Variants in DNHD1 observed in about 807,000 individuals in gnomAD.
DNHD1 encodes the protein dynein heavy chain domain 1, also known as dynein heavy chain domain-containing protein 1.
A neutral mutation model predicts 458.1 loss-of-function variants in DNHD1; 383 were observed. That is an observed-to-expected ratio of 0.84 (90% CI 0.77 to 0.91). DNHD1 has a LOEUF of 0.91. Ranked by LOEUF, DNHD1 falls within the 40% of genes least tolerant of loss-of-function variation. The probability of loss-of-function intolerance (pLI) is 0.00; values close to 1 mark genes in which losing one functional copy is unlikely to be tolerated. For missense variants in DNHD1, 5,336 were observed against 5,866.1 expected, an observed-to-expected ratio of 0.91 and a Z score of 2.95; for synonymous variants, 2,203 against 2,376.9, an observed-to-expected ratio of 0.93 and a Z score of 2.13.
chr11:6,511,689 A>G (rs1169998792), intron 7 of DNHD1, among the ~76,000 whole-genome samples: 3 of 152,130 alleles, frequency 2.0e-5, no homozygotes, highest in East Asian at 1.9e-4. Flanking sequence ...GAATGTATCA[A>G]TGTCTATTTT....
At chr11:6,503,007 G>A (rs1007857204) in intron 4 of DNHD1, 81 bp downstream of exon 4, 20 of 1,499,376 alleles carry the variant, frequency 1.3e-5, no homozygotes, top group East Asian at 2.4e-5. Flanking sequence ...CTTTCTCCAC[G>A]TGCGCACCCT....
At position 6,568,521 on chromosome 11, in the gene DNHD1, C is replaced by G. The variant is rs1352762114; in HGVS notation, c.12606C>G (p.His4202Gln). Residue 4202 changes from histidine (H) to glutamine (Q), a missense_variant, in exon 38 of 43, where the codon CAC becomes CAG. By Grantham distance (24) the His-to-Gln change is conservative (BLOSUM62 0). This residue lies in a region of DNHD1 where 695 missense variants were observed against 804.2 expected (regional missense o/e 0.86). Coordinates refer to ENST00000254579, the MANE Select transcript of DNHD1 (RefSeq NM_144666.3). ...QPESRNVSTV[H>Q]RDFRLWLIVP... ...AAAGCAGGAATGTAAGCACTGTTCA[C>G]AGAGATTTTCGTCTTTGGCTTATTG... is the stretch of plus-strand genomic sequence containing the variant. 1 of 1,614,002 alleles carries G rather than the reference C, an allele frequency of 6.2e-7. No individual in the cohort carries two copies. The highest frequency in any genetic ancestry group is 2.2e-5 in the East Asian group (1 of 44,878).
intron 28 of DNHD1, 142 bp downstream of exon 28, chr11:6,559,425 G>T: frequency 1.4e-6 from 1 of 714,274 alleles, no homozygotes; most frequent in South Asian, 1.9e-5. Context: ...GATCTCCGCT[G>T]CCTCCTCCTT....
Position 6,498,603 on chromosome 11 carries a change from A to G in DNHD1, c.388A>G (p.Ile130Val), listed in dbSNP as rs767156176. Residue 130 changes from isoleucine (I) to valine (V), a missense_variant, in exon 3 of 43, where the codon ATT becomes GTT. Ile to Val is a conservative substitution (Grantham distance 29, BLOSUM62 3). This residue lies in a region of DNHD1 where 3,932 missense variants were observed against 4,365.6 expected (regional missense o/e 0.90). Coordinates refer to ENST00000254579, the MANE Select transcript of DNHD1 (RefSeq NM_144666.3). ...CCTCCATCTGGACCTGCTAGGTGCC[A>G]TTGTCCAGGCCTTTCCTCCAGACAG... ...THLHLDLLGAIVQAFPPDSSL... is the reference protein window; with the variant it reads ...THLHLDLLGAVVQAFPPDSSL... 3.7e-6 allele frequency: 6 copies of G among 1,614,066 alleles called. No homozygotes were observed. The highest frequency in any genetic ancestry group is 2.7e-5 in the African/African-American group (2 of 74,910).
chr11:6,541,792 A>T (rs1473606264), intron 18 of DNHD1, among the ~76,000 whole-genome samples: 1 of 152,236 alleles, frequency 6.6e-6, no homozygotes, highest in Non-Finnish European at 1.5e-5. Context: ...CAAGGAATGG[A>T]AATTGAAAGA....
At chr11:6,521,025 G>A (rs1852594888) in intron 10 of DNHD1, among the ~76,000 whole-genome samples, 1 of 152,114 alleles carries the variant, frequency 6.6e-6, no homozygotes. Context: ...ACACCAGTTG[G>A]GGCACATTGT....
In DNHD1 at chr11:6,567,732, C is replaced by T. The variant is rs1002538319; in HGVS notation, c.12223C>T (p.Pro4075Ser). 6.2e-7 allele frequency: 1 copy of T among 1,613,948 alleles called. No individual in the cohort carries two copies. Among genetic ancestry groups the T allele is most frequent in the African/African-American group, 1.3e-5 (1 of 75,070 alleles). ...GCCCCTGGATGAAAACACGTATGCT[C>T]CCACCATGCCCTTTAAACATAGTCA... ...GRPLDENTYAPTMPFKHSQAT... is the reference protein window; with the variant it reads ...GRPLDENTYASTMPFKHSQAT... Residue 4075 changes from proline (P) to serine (S), a missense_variant, in exon 36 of 43, where the codon CCC becomes TCC. Pro to Ser is a moderately conservative substitution (Grantham distance 74). This residue lies in a region of DNHD1 where 695 missense variants were observed against 804.2 expected (regional missense o/e 0.86). Transcript: ENST00000254579.
chr11:6,566,371 C>T lies in DNHD1; in HGVS notation c.11184C>T (p.Leu3728=), dbSNP rs1345734776. 1 of 1,558,354 alleles carries T rather than the reference C, an allele frequency of 6.4e-7. No individual in the cohort carries two copies. Among genetic ancestry groups the T allele is most frequent in the African/African-American group, 1.4e-5 (1 of 73,368 alleles). Residue 3728 remains leucine (L), a synonymous_variant, in exon 34 of 43, where the codon CTC becomes CTT. Transcript: ENST00000254579. ...TCTGTCTGTATCTCAGCACCACCCT[C>T]TCCCTCTGTGCCATGGAAAAAGGTG... ...PGFCLYLSTT[L]SLCAMEKVLG...
rs947495308 is a variant in DNHD1 at position 6,564,791 on chromosome 11, C to T, written c.10743C>T (p.Leu3581=). 8.0e-5 allele frequency: 123 copies of T among 1,529,684 alleles called. No homozygotes were observed. The highest frequency in any genetic ancestry group is 1.1e-4 in the Non-Finnish European group (122 of 1,131,734). 94.8% of individuals were successfully genotyped at this position (1,529,684 alleles called of 1,614,324 possible). The change falls in exon 32 of 43, where the codon CTC becomes CTT. Residue 3581 remains leucine (L), a synonymous_variant. Coordinates refer to ENST00000254579, the MANE Select transcript of DNHD1 (RefSeq NM_144666.3). ...LEENRSFAPA[L]TEGRGKGLMR... is the part of the protein sequence containing the mutation. ...AGAATCGATCTTTTGCGCCAGCCCTCACTGAGGGTAGAGGTAAGCAGGCAT... is the reference window on the plus strand; with the variant it reads ...AGAATCGATCTTTTGCGCCAGCCCTTACTGAGGGTAGAGGTAAGCAGGCAT...
In DNHD1 at chr11:6,497,804, G is replaced by T; in HGVS notation, c.-412G>T. On this transcript the variant is annotated 5_prime_UTR_variant, in exon 3 of 43. Coordinates refer to ENST00000254579, the MANE Select transcript of DNHD1 (RefSeq NM_144666.3). ...CAATGAAACCTCATCAGCAGATCGG[G>T]CTCTCTTCCCTTGCCTTGCCTCCTA... 1 of 199,162 alleles carries T rather than the reference G, an allele frequency of 5.0e-6. No individual in the cohort carries two copies. Among genetic ancestry groups the T allele is most frequent in the Non-Finnish European group, 1.0e-5 (1 of 96,950 alleles). 12.3% of individuals were successfully genotyped at this position (199,162 alleles called of 1,614,324 possible).
At chr11:6,544,434 G>C (rs1853162904) in intron 19 of DNHD1, 140 bp from the exon 20 acceptor site, 1 of 1,020,782 alleles carries the variant, frequency 9.8e-7, no homozygotes, top group South Asian at 1.7e-5. Flanking sequence ...TCTCCCTCAA[G>C]CAAGTTCCCT....
intron 24 of DNHD1, among the ~76,000 whole-genome samples, chr11:6,551,738 G>A (rs2345346): frequency 6.6e-6 from 1 of 151,982 alleles, no homozygotes; most frequent in African/African-American, 2.4e-5. Context: ...GTCAGGAGAT[G>A]GAGACCATCC....
At position 6,557,242 on chromosome 11, in the gene DNHD1, T is replaced by C. The variant is rs1853483667; in HGVS notation, c.7947T>C (p.His2649=). The C allele has an allele frequency of 6.4e-7, 1 of 1,551,488 alleles. No homozygotes were observed. Among genetic ancestry groups the C allele is most frequent in the Non-Finnish European group, 8.7e-7 (1 of 1,147,012 alleles). ...GCAATGTGGTGCGTCTTTGGTTGCATGAGGCACAGAGAACCTTTTGCGACC... is the reference window on the plus strand; with the variant it reads ...GCAATGTGGTGCGTCTTTGGTTGCACGAGGCACAGAGAACCTTTTGCGACC... ...ATRNVVRLWL[H]EAQRTFCDRL... Residue 2649 remains histidine, a synonymous_variant, in exon 25 of 43, where the codon CAT becomes CAC. Transcript: ENST00000254579.
chr11:6,551,903 C>T lies in DNHD1; in HGVS notation c.7387+2970C>T, dbSNP rs185761778. Reference sequence around the variant, plus strand: ...TTGCGGTGAGCTGAGATTTGCACCACTGCACTCCAGCCTGGTGACAGAGCG... The same window carrying T: ...TTGCGGTGAGCTGAGATTTGCACCATTGCACTCCAGCCTGGTGACAGAGCG... On this transcript the variant is annotated intron_variant, in intron 24 of 42. Transcript: ENST00000254579. Among the ~76,000 whole-genome samples, 8 of 149,608 alleles carry T rather than the reference C, an allele frequency of 5.3e-5. No individual in the cohort carries two copies. The East Asian group carries it at 1.2e-3, about 22-fold the overall frequency.
chr11:6,563,663 T>C, intron 30 of DNHD1, 30 bp from the exon 31 acceptor site: 1 of 1,543,498 alleles, frequency 6.5e-7, no homozygotes, highest in South Asian at 1.2e-5. Flanking sequence ...ATCCGTGGCT[T>C]CCCCATCCCG....
At chr11:6,500,668 C>T (rs952914511) in intron 3 of DNHD1, among the ~76,000 whole-genome samples, 10 of 152,150 alleles carry the variant, frequency 6.6e-5, no homozygotes, top group Non-Finnish European at 1.3e-4. Flanking sequence ...TGGCAGTAAA[C>T]CTCTGAGGTC....
chr11:6,570,451 A>AC (rs1275830384), intron 41 of DNHD1, 55 bp downstream of exon 41: 12 of 1,531,348 alleles, frequency 7.8e-6, no homozygotes, highest in African/African-American at 6.9e-5. Flanking sequence ...ATGCAATGCC[A>AC]CCCCCCACAG....
At position 6,557,266 on chromosome 11, in the gene DNHD1, C is replaced by T; in HGVS notation, c.7971C>T (p.Asp2657=). The change falls in exon 25 of 43, where the codon GAC becomes GAT. Residue 2657 remains aspartate, a synonymous_variant. Transcript: ENST00000254579. ...ATGAGGCACAGAGAACCTTTTGCGA[C>T]CGGCTGGACAGCCCCAGGGAACGCT... ...WLHEAQRTFC[D]RLDSPRERSY... is the part of the protein sequence containing the mutation. 6.4e-7 allele frequency: 1 copy of T among 1,551,566 alleles called. No homozygotes were observed. Among genetic ancestry groups the T allele is most frequent in the East Asian group, 2.4e-5 (1 of 40,902 alleles).
At chr11:6,522,257 T>C (rs551947317) in intron 10 of DNHD1, among the ~76,000 whole-genome samples, 21 of 152,172 alleles carry the variant, frequency 1.4e-4, no homozygotes, top group Non-Finnish European at 2.8e-4. Context: ...GCCAGATGCA[T>C]AGTTTGCAAA....
Sources: gnomAD v4.1 joint callset for allele counts (sites outside exome capture counted in the v4.1 genomes callset) on GRCh38, gnomAD v4.1.1 for gene constraint, gnomAD v4.1.1 regional missense constraint, MANE v1.5 for transcripts, NCBI Gene and HGNC (gene_info 2026-07-23, HGNC 2026-07-21) for gene names.